SNAP29: variants seen among roughly 807,000 people sequenced by gnomAD.
The protein encoded by SNAP29 is synaptosomal-associated protein 29.
A neutral mutation model predicts 27.9 loss-of-function variants in SNAP29; 13 were observed. The observed-to-expected ratio is 0.47, with a 90% CI of 0.30 to 0.74. The LOEUF (loss-of-function observed/expected upper bound fraction) is 0.74. Among genes scored for constraint, SNAP29 ranks in the 30% least tolerant of loss-of-function variants. SNAP29 has a pLI of 0.06. For missense variants in SNAP29, 368 were observed against 336.5 expected (o/e 1.09, Z -0.73); for synonymous variants, 119 against 127.1 (o/e 0.94, Z 0.43).
At chr22:20,875,611 C>T (rs1928720896) in intron 2 of SNAP29, among the ~76,000 whole-genome samples, 1 of 152,150 alleles carries the variant, frequency 6.6e-6, no homozygotes, top group African/African-American at 2.4e-5. Flanking sequence ...AGGCACATGG[C>T]AGTAAAAGCA....
chr22:20,863,677 T>C (rs957910955), intron 1 of SNAP29, among the ~76,000 whole-genome samples: 10 of 152,098 alleles, frequency 6.6e-5, no homozygotes, highest in East Asian at 1.9e-4. Flanking sequence ...CTTTTTTTTT[T>C]CCTAAGGTTT....
At chr22:20,861,697 G>A (rs988448236) in intron 1 of SNAP29, among the ~76,000 whole-genome samples, 4 of 151,804 alleles carry the variant, frequency 2.6e-5, no homozygotes, top group African/African-American at 4.8e-5. Context: ...GTTCAGTGGC[G>A]CGATCTCAGC....
chr22:20,876,400 T>C (rs1460412691), intron 2 of SNAP29, among the ~76,000 whole-genome samples: 1 of 148,356 alleles, frequency 6.7e-6, no homozygotes, highest in Non-Finnish European at 1.5e-5. Flanking sequence ...TGGGACTACA[T>C]GCATGGGCCA....
chr22:20,884,995 G>A (rs187106039), intron 4 of SNAP29, among the ~76,000 whole-genome samples: 40 of 152,216 alleles, frequency 2.6e-4, no homozygotes, highest in African/African-American at 8.4e-4. Context: ...GGCTGGTCTC[G>A]AACTCCCGAC....
chr22:20,861,377 C>T (rs1004480909), intron 1 of SNAP29, among the ~76,000 whole-genome samples: 2 of 152,026 alleles, frequency 1.3e-5, no homozygotes, highest in Non-Finnish European at 2.9e-5. Flanking sequence ...TCCCAAAGTC[C>T]TGGGATTATA....
At chr22:20,864,671 T>A (rs2147860901) in intron 1 of SNAP29, among the ~76,000 whole-genome samples, 1 of 152,306 alleles carries the variant, frequency 6.6e-6, no homozygotes, top group East Asian at 1.9e-4. Flanking sequence ...AATTTGTAAA[T>A]GTCAGCAGTG....
At chr22:20,884,413 A>G (rs2147872822) in intron 4 of SNAP29, among the ~76,000 whole-genome samples, 1 of 151,700 alleles carries the variant, frequency 6.6e-6, no homozygotes, top group Admixed American at 6.5e-5. Flanking sequence ...AGTGCAGTCC[A>G]GGCTCTCTTT....
intron 1 of SNAP29, among the ~76,000 whole-genome samples, chr22:20,861,910 G>C (rs548171386): frequency 2.6e-5 from 4 of 152,266 alleles, no homozygotes; most frequent in African/African-American, 9.6e-5. Flanking sequence ...TGGGATTACA[G>C]GCGTGAGCGA....
In SNAP29 at chr22:20,870,331, C is replaced by A. The variant is rs1569116630; in HGVS notation, c.238-6C>A. The A allele has an allele frequency of 6.2e-7, 1 of 1,614,076 alleles. No individual in the cohort carries two copies. On this transcript the variant is annotated splice_polypyrimidine_tract_variant and splice_region_variant and intron_variant, in intron 1 of 4. Coordinates refer to ENST00000215730, the MANE Select transcript of SNAP29 (RefSeq NM_004782.4). ...CTATAATGCCACTGCCTCTCGGTTT[C>A]CCCAGGAGCTCGCCCGTCAGCGAGG... is the stretch of plus-strand genomic sequence containing the variant.
rs1025555041 is a variant in SNAP29 at position 20,890,664 on chromosome 22, C to T, written c.*2828C>T. The T allele has an allele frequency of 4.4e-5, 8 of 180,692 alleles. No homozygotes were observed. Among genetic ancestry groups the T allele is most frequent in the Non-Finnish European group, 7.7e-5 (7 of 90,888 alleles). 11.2% of individuals were successfully genotyped at this position (180,692 alleles called of 1,614,324 possible). ...GTCCCAGCTACTCAGGAGGCTGAGGCAGGAGAATGGCATGAACCTGGGAGG... is the reference window on the plus strand; with the variant it reads ...GTCCCAGCTACTCAGGAGGCTGAGGTAGGAGAATGGCATGAACCTGGGAGG... On this transcript the variant is annotated 3_prime_UTR_variant, in exon 5 of 5. Coordinates refer to ENST00000215730, the MANE Select transcript of SNAP29 (RefSeq NM_004782.4).
chr22:20,873,304 C>T (rs1601649262), intron 2 of SNAP29, among the ~76,000 whole-genome samples: 1 of 152,092 alleles, frequency 6.6e-6, no homozygotes, highest in East Asian at 1.9e-4. Context: ...AGCCACCACA[C>T]CTAACTGCAG....
At chr22:20,859,600 C>G (rs1169159407) in intron 1 of SNAP29, 1 of 546,414 alleles carries the variant, frequency 1.8e-6, no homozygotes, top group Non-Finnish European at 3.2e-6. Flanking sequence ...TTTTTTCTTA[C>G]GCCTAGCTCA....
At chr22:20,879,528 G>A (rs1409268682) in intron 2 of SNAP29, among the ~76,000 whole-genome samples, 1 of 151,886 alleles carries the variant, frequency 6.6e-6, no homozygotes, top group African/African-American at 2.4e-5. Flanking sequence ...AACAGAGCAA[G>A]ACTCTGTCTC....
chr22:20,874,352 CACACACACA>C (rs1569117995), intron 2 of SNAP29, among the ~76,000 whole-genome samples: 1,173 of 53,680 alleles, frequency 0.022, 23 homozygotes, highest in African/African-American at 0.074. Context: ...AAATTAGCCA[CACACACACA>C]CACACACACA....
rs199966455 is a variant in SNAP29 at position 20,881,129 on chromosome 22, A to C, written c.515A>C (p.Asp172Ala). Residue 172 changes from aspartate to alanine, a missense_variant, in exon 3 of 5, where the codon GAT (aspartate) becomes GCT (alanine). Transcript: ENST00000215730. ...CACCCAAACCTTAGAAAGCTGGATG[A>C]TACAGGTAAGTGGATACCTGTGTGC... is the stretch of plus-strand genomic sequence containing the variant. ...ASHPNLRKLD[D>A]TDPVPRGAGS... The C allele has an allele frequency of 1.6e-4, 263 of 1,605,916 alleles. 1 individual carries two copies. Among genetic ancestry groups the C allele is most frequent in the Non-Finnish European group, 2.1e-4 (243 of 1,172,496 alleles).
At chr22:20,885,927 G>A (rs1929003400) in intron 4 of SNAP29, among the ~76,000 whole-genome samples, 2 of 152,122 alleles carry the variant, frequency 1.3e-5, no homozygotes, top group Non-Finnish European at 2.9e-5. Flanking sequence ...GGACTCCAGC[G>A]CCCTGGCCTG....
chr22:20,865,716 T>C (rs165686), intron 1 of SNAP29, among the ~76,000 whole-genome samples: 73,993 of 152,016 alleles, frequency 0.49, 18,509 homozygotes, highest in African/African-American at 0.58. Flanking sequence ...GAAAAGATGC[T>C]GATTAAAACC....
intron 1 of SNAP29, among the ~76,000 whole-genome samples, chr22:20,862,356 G>A (rs943234651): frequency 2.6e-5 from 4 of 152,224 alleles, no homozygotes; most frequent in African/African-American, 7.2e-5. Context: ...TTTTAAGGCT[G>A]AGGTTTACAC....
chr22:20,887,639 CTGTT>C, intron 4 of SNAP29, 36 bp from the exon 5 acceptor site: 1 of 1,613,048 alleles, frequency 6.2e-7, no homozygotes, highest in Non-Finnish European at 8.5e-7. Context: ...GGTGCCGTGA[CTGTT>C]TGCTCATGCC....
Sources: allele counts gnomAD v4.1 joint callset (sites outside exome capture counted in the v4.1 genomes callset), GRCh38; gene constraint gnomAD v4.1.1; transcripts MANE v1.5; gene names NCBI Gene and HGNC (gene_info 2026-07-23, HGNC 2026-07-21).